The following FBXL17 variants were observed in gnomAD, a reference collection of about 807,000 sequenced individuals.
FBXL17 encodes F-box and leucine rich repeat protein 17.
Under a neutral mutation model 66.2 loss-of-function variants are expected in FBXL17, and 22 were observed. The observed-to-expected ratio is 0.33, with a 90% CI of 0.24 to 0.47. The LOEUF is 0.47. FBXL17 is among the 20% of genes least tolerant of loss of function. The pLI, the probability that FBXL17 is intolerant of heterozygous loss-of-function variation, is 1.00. For missense variants in FBXL17, 878 were observed against 948.2 expected (o/e 0.93, Z 0.97); for synonymous variants, 474 against 400.5 (o/e 1.18, Z -2.19).
chr5:107,920,583 T>A (rs1164762134), intron 7 of FBXL17, among the ~76,000 whole-genome samples: 1 of 152,204 alleles, frequency 6.6e-6, no homozygotes, highest in East Asian at 1.9e-4. Flanking sequence ...GAATATTTCT[T>A]AGGTGGTCAA....
chr5:108,211,214 T>G (rs1754354302), intron 5 of FBXL17, among the ~76,000 whole-genome samples: 1 of 152,226 alleles, frequency 6.6e-6, no homozygotes, highest in African/African-American at 2.4e-5. Context: ...TGAGCCTATG[T>G]GTGTCTTTGC....
At chr5:107,956,519 G>A (rs1751671484) in intron 7 of FBXL17, among the ~76,000 whole-genome samples, 1 of 152,058 alleles carries the variant, frequency 6.6e-6, no homozygotes, top group African/African-American at 2.4e-5. Flanking sequence ...TCTAACTTTG[G>A]GCAAGTTACT....
intron 8 of FBXL17, among the ~76,000 whole-genome samples, chr5:107,876,657 A>AT (rs1474001603): frequency 6.6e-6 from 1 of 151,896 alleles, no homozygotes; most frequent in African/African-American, 2.4e-5. Flanking sequence ...CACCCCAAAC[A>AT]TTTTTCATTA....
intron 7 of FBXL17, among the ~76,000 whole-genome samples, chr5:107,906,348 G>A (rs969658377): frequency 6.0e-4 from 91 of 152,228 alleles, no homozygotes; most frequent in African/African-American, 2.1e-3. Flanking sequence ...AGTAAAATAA[G>A]AGGGAAAACA....
intron 6 of FBXL17, among the ~76,000 whole-genome samples, chr5:108,140,847 T>TCC (rs1338497972): frequency 2.6e-5 from 4 of 151,856 alleles, no homozygotes; most frequent in Non-Finnish European, 5.9e-5. Flanking sequence ...TTTTTTTTAC[T>TCC]CCCCACATCA....
chr5:108,181,401 A>T (rs947133809), intron 6 of FBXL17, among the ~76,000 whole-genome samples: 2 of 152,216 alleles, frequency 1.3e-5, no homozygotes, highest in Non-Finnish European at 2.9e-5. Flanking sequence ...TTCTGAATAC[A>T]AGAAAATATC....
rs544677268 is a variant in FBXL17 at position 108,216,027 on chromosome 5, C to T, written c.1614+8094G>A. Among the ~76,000 whole-genome samples, 49 of 152,244 alleles carry T rather than the reference C, an allele frequency of 3.2e-4. 1 individual carries two copies. Among genetic ancestry groups the T allele is most frequent in the South Asian group, 2.7e-3 (13 of 4,822 alleles). On this transcript the variant is annotated intron_variant, in intron 5 of 8. Coordinates refer to ENST00000542267, the MANE Select transcript of FBXL17 (RefSeq NM_001163315.3). ...ATAGATGTGTGAGTTTATTTCTGGA[C>T]GCTCGATCCTTTTCCATTGACTTAC...
Position 108,381,288 on chromosome 5 carries a change from G to C in FBXL17, c.404C>G (p.Ser135Trp). 7.1e-7 allele frequency: 1 copy of C among 1,416,014 alleles called. No homozygotes were observed. 87.7% of individuals were successfully genotyped at this position (1,416,014 alleles called of 1,614,324 possible). The change falls in exon 1 of 9, where the codon TCG becomes TGG. Residue 135 changes from serine (S) to tryptophan (W), a missense_variant. By Grantham distance (177) the Ser-to-Trp change is radical. This residue lies in a region of FBXL17 where 605 missense variants were observed against 509.5 expected (regional missense o/e 1.19). Transcript: ENST00000542267. ...CTCTTTGCAGCAGGAGGCGGGCGAC[G>C]AAGCCGAGGCGGCAGCGGCGGCGGC... The part of the protein sequence containing the change: ...AAAAAAAASA[S>W]SPASCCKELG...
intron 6 of FBXL17, among the ~76,000 whole-genome samples, chr5:108,070,698 A>G (rs1440340831): frequency 1.3e-5 from 2 of 152,190 alleles, no homozygotes; most frequent in East Asian, 3.8e-4. Flanking sequence ...AAAAATACAC[A>G]GTTTGCTTTG....
At chr5:107,977,658 T>C (rs1210208214) in intron 7 of FBXL17, among the ~76,000 whole-genome samples, 2 of 152,288 alleles carry the variant, frequency 1.3e-5, no homozygotes, top group African/African-American at 2.4e-5. Flanking sequence ...TTTCAATGGA[T>C]TGGCTCCAGG....
At chr5:108,057,836 A>C (rs915509552) in intron 6 of FBXL17, among the ~76,000 whole-genome samples, 3 of 152,192 alleles carry the variant, frequency 2.0e-5, no homozygotes, top group African/African-American at 7.2e-5. Flanking sequence ...TTTTACCACT[A>C]CTAAGAATAA....
chr5:108,191,156 CTT>C (rs1753455071), intron 5 of FBXL17, among the ~76,000 whole-genome samples: 1 of 152,202 alleles, frequency 6.6e-6, no homozygotes, highest in South Asian at 2.1e-4. Flanking sequence ...TATAGCATGA[CTT>C]TATTTTCCCA....
intron 7 of FBXL17, among the ~76,000 whole-genome samples, chr5:107,895,671 A>G (rs1389048316): frequency 2.6e-5 from 4 of 152,138 alleles, no homozygotes; most frequent in Non-Finnish European, 4.4e-5. Context: ...TAGGTATTGT[A>G]AATGATTCTA....
At chr5:108,171,478 C>A (rs1382152880) in intron 6 of FBXL17, among the ~76,000 whole-genome samples, 1 of 152,100 alleles carries the variant, frequency 6.6e-6, no homozygotes, top group Non-Finnish European at 1.5e-5. Flanking sequence ...ATAATGATAC[C>A]TATGTCATGG....
intron 4 of FBXL17, among the ~76,000 whole-genome samples, chr5:108,268,187 T>C (rs1269145174): frequency 6.6e-6 from 1 of 151,882 alleles, no homozygotes. Context: ...ATCCATAAAG[T>C]GGATATTCAA....
chr5:108,180,278 A>T (rs971200382), intron 6 of FBXL17, among the ~76,000 whole-genome samples: 2 of 152,130 alleles, frequency 1.3e-5, no homozygotes, highest in African/African-American at 4.8e-5. Context: ...TGGGGTGCCA[A>T]GGTAGGCAGA....
chr5:108,298,175 A>C, intron 4 of FBXL17: 1 of 978,052 alleles, frequency 1.0e-6, no homozygotes, highest in South Asian at 4.7e-5. Context: ...TACCCTAGAA[A>C]TTCTAGAAAG....
At chr5:108,236,038 T>C (rs1225423953) in intron 4 of FBXL17, among the ~76,000 whole-genome samples, 2 of 152,198 alleles carry the variant, frequency 1.3e-5, no homozygotes, top group Non-Finnish European at 2.9e-5. Flanking sequence ...GATTCTTCAA[T>C]ATGTCTGAAG....
intron 7 of FBXL17, among the ~76,000 whole-genome samples, chr5:107,999,087 C>T (rs1234503374): frequency 6.6e-6 from 1 of 152,154 alleles, no homozygotes; most frequent in Non-Finnish European, 1.5e-5. Flanking sequence ...CTTGGGAGGA[C>T]CTTGTCTATA....
Sources: allele counts gnomAD v4.1 joint callset (sites outside exome capture counted in the v4.1 genomes callset), GRCh38; gene constraint gnomAD v4.1.1; regional missense constraint gnomAD v4.1.1; transcripts MANE v1.5; gene names NCBI Gene and HGNC (gene_info 2026-07-23, HGNC 2026-07-21).